AFAP1: variants seen among roughly 807,000 people sequenced by gnomAD.
AFAP1 encodes actin filament associated protein 1, also known as actin filament-associated protein 1.
AFAP1 carries 75 observed loss-of-function variants against 93.9 expected under a neutral mutation model. The observed-to-expected ratio is 0.80, with a 90% CI of 0.66 to 0.97. AFAP1 has a LOEUF of 0.97. Among genes scored for constraint, AFAP1 ranks in the 50% least tolerant of loss-of-function variants. The pLI is 0.00. For missense variants in AFAP1, 1,201 were observed against 1,050.8 expected (o/e 1.14, Z -1.98); for synonymous variants, 517 against 430.7 (o/e 1.20, Z -2.48).
Position 7,874,432 on chromosome 4 carries a change from C to T in AFAP1, c.-2-2352G>A, listed in dbSNP as rs368797363. Among the ~76,000 whole-genome samples, 23 of 138,096 alleles carry T rather than the reference C, an allele frequency of 1.7e-4. No individual in the cohort carries two copies. In the East Asian group the frequency reaches 1.9e-3, roughly 11 times the overall value. 90.6% of individuals were successfully genotyped at this position (138,096 alleles called of 152,430 possible). ...AGGCTGGAGTGCAGTGGTGCAATCT[C>T]GGCTCACTGCAAGTTCTGCCTCCTG... On this transcript the variant is annotated intron_variant, in intron 1 of 17. Coordinates refer to ENST00000420658, the MANE Select transcript of AFAP1 (RefSeq NM_001134647.2).
intron 3 of AFAP1, among the ~76,000 whole-genome samples, chr4:7,868,051 G>A (rs1560210192): frequency 6.6e-6 from 1 of 151,136 alleles, no homozygotes; most frequent in East Asian, 1.9e-4. Context: ...AAGCTGAATG[G>A]TACATAAAAG....
At chr4:7,806,768 T>C (rs1317903581) in intron 9 of AFAP1, among the ~76,000 whole-genome samples, 1 of 152,210 alleles carries the variant, frequency 6.6e-6, no homozygotes, top group Non-Finnish European at 1.5e-5. Context: ...TCTGTTAATA[T>C]TGAGGCAAAA....
At chr4:7,804,011 C>A (rs949784052) in intron 9 of AFAP1, among the ~76,000 whole-genome samples, 2 of 152,178 alleles carry the variant, frequency 1.3e-5, no homozygotes, top group Admixed American at 1.3e-4. Context: ...TATTTTCTGG[C>A]TGGGGAACAT....
intron 8 of AFAP1, among the ~76,000 whole-genome samples, chr4:7,815,009 G>A (rs998380560): frequency 6.6e-6 from 1 of 152,354 alleles, no homozygotes; most frequent in African/African-American, 2.4e-5. Flanking sequence ...CCACCCAAGT[G>A]TTCATCGACA....
At chr4:7,878,635 T>G (rs1161074922) in intron 1 of AFAP1, among the ~76,000 whole-genome samples, 1 of 152,230 alleles carries the variant, frequency 6.6e-6, no homozygotes, top group African/African-American at 2.4e-5. Context: ...AATAGAAATC[T>G]CCAGCTACCG....
intron 1 of AFAP1, among the ~76,000 whole-genome samples, chr4:7,881,876 G>A (rs1221977217): frequency 1.3e-5 from 2 of 152,064 alleles, no homozygotes; most frequent in African/African-American, 2.4e-5. Flanking sequence ...GTGTGACCTT[G>A]GGTAAGTAGC....
chr4:7,830,598 T>TTTA (rs10670912), intron 6 of AFAP1, among the ~76,000 whole-genome samples: 37,450 of 151,280 alleles, frequency 0.25, 4,956 homozygotes, highest in African/African-American at 0.32. Context: ...AGTGAAAGGT[T>TTTA]TTATTATTAT....
chr4:7,857,640 TC>T, intron 3 of AFAP1, among the ~76,000 whole-genome samples: 1 of 152,300 alleles, frequency 6.6e-6, no homozygotes, highest in Admixed American at 6.5e-5. Context: ...GGAGTCCACA[TC>T]CAAGTTAAAA....
At chr4:7,890,808 A>T (rs34092549) in intron 1 of AFAP1, among the ~76,000 whole-genome samples, 17,438 of 152,266 alleles carry the variant, frequency 0.11, 1,166 homozygotes, top group Non-Finnish European at 0.16. Flanking sequence ...TTAGCAAAAC[A>T]GGAGAGCAAC....
chr4:7,772,659 G>C (rs1715595092), intron 16 of AFAP1, 161 bp downstream of exon 16: 1 of 643,174 alleles, frequency 1.6e-6, no homozygotes. Context: ...CCCGGCCGAT[G>C]AAAGTGTCTG....
intron 1 of AFAP1, among the ~76,000 whole-genome samples, chr4:7,896,584 A>C: frequency 1.3e-5 from 1 of 74,598 alleles, no homozygotes; most frequent in Non-Finnish European, 2.7e-5. Context: ...CCCAGGGCTC[A>C]GTCCTCACTC....
At chr4:7,877,932 C>CCTGGTGCATCTCTGTATCTCTG in intron 1 of AFAP1, among the ~76,000 whole-genome samples, 1 of 152,142 alleles carries the variant, frequency 6.6e-6, no homozygotes, top group Non-Finnish European at 1.5e-5. Context: ...AGGTGCAGCT[C>CCTGGTGCATCTCTGTATCTCTG]CTGGTGCATC....
chr4:7,939,311 C>T lies in AFAP1; in HGVS notation c.-3+345G>A. On this transcript the variant is annotated intron_variant, in intron 1 of 17. Coordinates refer to ENST00000420658, the MANE Select transcript of AFAP1 (RefSeq NM_001134647.2). This position sits in a 1 kb window ranked among gnomAD's most constrained non-coding sequence, Gnocchi z 5.6. ...CCACTCTTGGTGACCCGGACCCCGC[C>T]CCACGAGTGGGTCTTCGCAGGGCCC... 3.2e-6 allele frequency: 1 copy of T among 315,618 alleles called. No individual in the cohort carries two copies. Among genetic ancestry groups the T allele is most frequent in the South Asian group, 2.3e-5 (1 of 42,572 alleles). The allele number at this position is 315,618 out of a possible 1,614,324, so 19.6% of individuals were successfully genotyped here. A position where few individuals can be genotyped will look rare whatever the true frequency, so the allele number is the denominator to read the frequency against.
chr4:7,792,699 G>A (rs990676942), intron 11 of AFAP1, among the ~76,000 whole-genome samples: 3 of 152,192 alleles, frequency 2.0e-5, no homozygotes, highest in Admixed American at 1.3e-4. Flanking sequence ...CATGCTCTCT[G>A]TGGCCTCTCA....
intron 3 of AFAP1, among the ~76,000 whole-genome samples, chr4:7,867,102 G>A (rs1418483319): frequency 3.2e-5 from 3 of 92,526 alleles, no homozygotes; most frequent in Non-Finnish European, 7.2e-5. Context: ...GGAGGAGAGG[G>A]GAGTAGAGGG....
At chr4:7,852,854 A>C (rs1371756386) in intron 4 of AFAP1, among the ~76,000 whole-genome samples, 1 of 152,178 alleles carries the variant, frequency 6.6e-6, no homozygotes, top group Non-Finnish European at 1.5e-5. Context: ...AGAAGGGCTA[A>C]CAGGAGTCAA....
At chr4:7,796,953 G>A (rs11725132) in intron 10 of AFAP1, among the ~76,000 whole-genome samples, 16,397 of 151,112 alleles carry the variant, frequency 0.11, 1,365 homozygotes, top group East Asian at 0.48. Context: ...CCAGCTGCTC[G>A]GGAGGCTGAG....
chr4:7,806,586 G>C (rs1719536578), intron 9 of AFAP1, among the ~76,000 whole-genome samples: 1 of 152,216 alleles, frequency 6.6e-6, no homozygotes, highest in South Asian at 2.1e-4. Context: ...GGCAGGCTCA[G>C]TCTCAAGGGC....
At chr4:7,793,202 T>G (rs1718051257) in intron 11 of AFAP1, among the ~76,000 whole-genome samples, 1 of 152,064 alleles carries the variant, frequency 6.6e-6, no homozygotes, top group Non-Finnish European at 1.5e-5. Flanking sequence ...ATTTACAAAG[T>G]ACTTGACGGA....
Sources: allele counts gnomAD v4.1 joint callset (sites outside exome capture counted in the v4.1 genomes callset), GRCh38; gene constraint gnomAD v4.1.1; non-coding constraint Gnocchi (gnomAD v3.1); transcripts MANE v1.5; gene names NCBI Gene and HGNC (gene_info 2026-07-23, HGNC 2026-07-21).